Variants in IQCH observed in about 807,000 individuals in gnomAD.
IQCH encodes IQ domain-containing protein H.
Under a neutral mutation model 117.0 loss-of-function variants are expected in IQCH, and 98 were observed. That is an observed-to-expected ratio of 0.84 (90% CI 0.71 to 0.99). The LOEUF (loss-of-function observed/expected upper bound fraction) is 0.99, where lower values mean the gene tolerates loss of function less well. Among genes scored for constraint, IQCH ranks in the 50% least tolerant of loss-of-function variants. The pLI is 0.00. For missense variants in IQCH, 1,102 were observed against 1,243.8 expected, an observed-to-expected ratio of 0.89 and a Z score of 1.72; for synonymous variants, 412 against 448.2, an observed-to-expected ratio of 0.92 and a Z score of 1.02.
At chr15:67,367,296 G>A (rs1028056465) in intron 8 of IQCH, among the ~76,000 whole-genome samples, 1 of 152,210 alleles carries the variant, frequency 6.6e-6, no homozygotes, top group Non-Finnish European at 1.5e-5. Context: ...AACACTTTGG[G>A]AGGCTGGGGT....
intron 4 of IQCH, chr15:67,307,219 T>C (rs1967343598): frequency 5.0e-6 from 4 of 798,104 alleles, no homozygotes; most frequent in Non-Finnish European, 6.1e-6. Context: ...TATAATGCAA[T>C]GTAAACTTAG....
In IQCH at chr15:67,366,035, A is replaced by G. The variant is rs1970321033; in HGVS notation, c.754-6076A>G. On this transcript the variant is annotated intron_variant, in intron 8 of 20. Transcript: ENST00000335894. The surrounding 1 kb of genome is among the most constrained non-coding windows in gnomAD (Gnocchi z 4.4). ...AGTGATTTGGATCAAGGAACGTACT[A>G]GATCCACATTTTTCTCAGGAAACAT... Among the ~76,000 whole-genome samples, 1 of 152,228 alleles carries G rather than the reference A, an allele frequency of 6.6e-6. No individual in the cohort carries two copies.
Position 67,475,636 on chromosome 15 carries a change from A to G in IQCH, c.2677-60A>G. On this transcript the variant is annotated intron_variant, in intron 17 of 20. Coordinates refer to ENST00000335894, the MANE Select transcript of IQCH (RefSeq NM_001031715.3). This position sits in a 1 kb window ranked among gnomAD's most constrained non-coding sequence, Gnocchi z 5.7. ...CGCAATTTTCCTGTTAATCTCAAGT[A>G]TTCCAAAATTACAAGTTTATTTAAA... 6.6e-7 allele frequency: 1 copy of G among 1,514,456 alleles called. No homozygotes were observed. The highest frequency in any genetic ancestry group is 9.1e-7 in the Non-Finnish European group (1 of 1,102,728). The allele number at this position is 1,514,456 out of a possible 1,614,324, so 93.8% of individuals were successfully genotyped here. A position where few individuals can be genotyped will look rare whatever the true frequency, so the allele number is the denominator to read the frequency against.
At chr15:67,282,912 T>C (rs577682032) in intron 4 of IQCH, among the ~76,000 whole-genome samples, 1 of 152,224 alleles carries the variant, frequency 6.6e-6, no homozygotes, top group Admixed American at 6.5e-5. Context: ...CCTCTTTTAA[T>C]TTGAAAAAGC....
Position 67,481,412 on chromosome 15 carries a change from T to C in IQCH, c.2799+5594T>C, listed in dbSNP as rs533847083. 1.3e-5 allele frequency among the ~76,000 whole-genome samples: 2 copies of C among 152,176 alleles called. No individual in the cohort carries two copies. The highest frequency in any genetic ancestry group is 3.9e-4 in the East Asian group (2 of 5,168). On this transcript the variant is annotated intron_variant, in intron 18 of 20. Coordinates refer to ENST00000335894, the MANE Select transcript of IQCH (RefSeq NM_001031715.3). The surrounding 1 kb of genome is among the most constrained non-coding windows in gnomAD (Gnocchi z 4.1). ...CCCCTTATAAAATCATCAGATTGAGTGAGAACTCACTCACTATCATGAGAA... is the reference window on the plus strand; with the variant it reads ...CCCCTTATAAAATCATCAGATTGAGCGAGAACTCACTCACTATCATGAGAA...
At chr15:67,451,667 G>C (rs561773643) in intron 16 of IQCH, among the ~76,000 whole-genome samples, 34 of 152,306 alleles carry the variant, frequency 2.2e-4, no homozygotes, top group African/African-American at 7.5e-4. Context: ...TTTGGAGTAG[G>C]TGTGGTGTGG....
intron 4 of IQCH, among the ~76,000 whole-genome samples, chr15:67,305,930 G>A (rs1406299899): frequency 3.9e-5 from 6 of 152,042 alleles, no homozygotes; most frequent in Admixed American, 3.3e-4. Flanking sequence ...TGAGCAAAGA[G>A]AATTTGGGAA....
At position 67,459,849 on chromosome 15, in the gene IQCH, C is replaced by T. The variant is rs1336357828; in HGVS notation, c.2506-5278C>T. On this transcript the variant is annotated intron_variant, in intron 16 of 20. Transcript: ENST00000335894. The surrounding 1 kb of genome is among the most constrained non-coding windows in gnomAD (Gnocchi z 4.2). Reference sequence around the variant, plus strand: ...ACAATGCACTTCTTTACAACCAATCCAATAGAAATAGAATTCAGCCAGGCA... The same window carrying T: ...ACAATGCACTTCTTTACAACCAATCTAATAGAAATAGAATTCAGCCAGGCA... 3 of 152,200 alleles carry T rather than the reference C, an allele frequency of 2.0e-5. No individual in the cohort carries two copies. The highest frequency in any genetic ancestry group is 2.9e-5 in the Non-Finnish European group (2 of 68,058). 9.4% of individuals were successfully genotyped at this position (152,200 alleles called of 1,614,324 possible).
chr15:67,412,382 T>G (rs2081472158), intron 14 of IQCH, among the ~76,000 whole-genome samples: 1 of 152,136 alleles, frequency 6.6e-6, no homozygotes. Flanking sequence ...TCCTAACTAC[T>G]CATTTCACAA....
At chr15:67,256,798 GA>G (rs1360922443) in intron 1 of IQCH, among the ~76,000 whole-genome samples, 2 of 152,184 alleles carry the variant, frequency 1.3e-5, no homozygotes, top group Non-Finnish European at 2.9e-5. Context: ...TATTTAAAAG[GA>G]TTCCTGTGGA....
rs2082001626 is a variant in IQCH at position 67,430,732 on chromosome 15, T to G, written c.2505+9155T>G. Reference sequence around the variant, plus strand: ...TTGGGGAAACTCTAAAAAAAACAAGTGTTTATTGAGCATCTATTATGTATA... The same window carrying G: ...TTGGGGAAACTCTAAAAAAAACAAGGGTTTATTGAGCATCTATTATGTATA... On this transcript the variant is annotated intron_variant, in intron 16 of 20. Transcript: ENST00000335894. This position sits in a 1 kb window ranked among gnomAD's most constrained non-coding sequence, Gnocchi z 5.1. Among the ~76,000 whole-genome samples the G allele has an allele frequency of 6.6e-6, 1 of 152,184 alleles. No homozygotes were observed. The highest frequency in any genetic ancestry group is 2.4e-5 in the African/African-American group (1 of 41,444).
chr15:67,326,538 C>A (rs1416235817), intron 4 of IQCH, among the ~76,000 whole-genome samples: 1 of 152,274 alleles, frequency 6.6e-6, no homozygotes, highest in South Asian at 2.1e-4. Context: ...TCAGGAGTCG[C>A]CACACTGTCT....
At chr15:67,347,802 T>C (rs923633495) in intron 6 of IQCH, among the ~76,000 whole-genome samples, 1 of 145,336 alleles carries the variant, frequency 6.9e-6, no homozygotes, top group African/African-American at 2.5e-5. Context: ...GCTCTGTCTA[T>C]ATATATATAT....
Position 67,454,408 on chromosome 15 carries a change from C to T in IQCH, c.2506-10719C>T, listed in dbSNP as rs1358876080. Among the ~76,000 whole-genome samples, 1 of 152,214 alleles carries T rather than the reference C, an allele frequency of 6.6e-6. No individual in the cohort carries two copies. Among genetic ancestry groups the T allele is most frequent in the Non-Finnish European group, 1.5e-5 (1 of 68,034 alleles). On this transcript the variant is annotated intron_variant, in intron 16 of 20. Transcript: ENST00000335894. This position sits in a 1 kb window ranked among gnomAD's most constrained non-coding sequence, Gnocchi z 5.2. ...TCTTGACCTTGTGATCCGCCCGCCTCGGCCTCCCAAAGTATTCAAAATTCA... is the reference window on the plus strand; with the variant it reads ...TCTTGACCTTGTGATCCGCCCGCCTTGGCCTCCCAAAGTATTCAAAATTCA...
At chr15:67,489,854 C>G (rs1197080002) in intron 18 of IQCH, 149 bp from the exon 19 acceptor site, 15 of 690,976 alleles carry the variant, frequency 2.2e-5, no homozygotes, top group Non-Finnish European at 3.8e-5. Flanking sequence ...CTAGAGGCAG[C>G]CTTTCCAAAT....
In IQCH at chr15:67,429,646, C is replaced by T. The variant is rs138431484; in HGVS notation, c.2505+8069C>T. On this transcript the variant is annotated intron_variant, in intron 16 of 20. Coordinates refer to ENST00000335894, the MANE Select transcript of IQCH (RefSeq NM_001031715.3). ...TCACATACATGATCTTACTCACATA[C>T]ACACAGGTCTTACAATAAGACATGG... 2.0e-3 allele frequency among the ~76,000 whole-genome samples: 303 copies of T among 152,330 alleles called. 2 individuals are homozygous for T. The highest frequency in any genetic ancestry group is 6.8e-3 in the African/African-American group (282 of 41,582).
chr15:67,447,522 G>C lies in IQCH; in HGVS notation c.2506-17605G>C, dbSNP rs957152117. 1.3e-5 allele frequency among the ~76,000 whole-genome samples: 2 copies of C among 152,158 alleles called. No individual in the cohort carries two copies. Among genetic ancestry groups the C allele is most frequent in the African/African-American group, 4.8e-5 (2 of 41,426 alleles). On this transcript the variant is annotated intron_variant, in intron 16 of 20. Coordinates refer to ENST00000335894, the MANE Select transcript of IQCH (RefSeq NM_001031715.3). The surrounding 1 kb of genome is among the most constrained non-coding windows in gnomAD (Gnocchi z 5.3). ...TCAACCCTCTACCATCACCAAATTA[G>C]TCAGGATGTATTGGATTACTGGGTT...
Position 67,424,956 on chromosome 15 carries a change from A to G in IQCH, c.2505+3379A>G, listed in dbSNP as rs1488662063. Among the ~76,000 whole-genome samples the G allele has an allele frequency of 6.6e-6, 1 of 152,148 alleles. No homozygotes were observed. Among genetic ancestry groups the G allele is most frequent in the Non-Finnish European group, 1.5e-5 (1 of 68,016 alleles). ...AGAAAACATCTTAATTTTTTTTCTA[A>G]TTGACATGCCTTGTGATGCCATTGA... On this transcript the variant is annotated intron_variant, in intron 16 of 20. Coordinates refer to ENST00000335894, the MANE Select transcript of IQCH (RefSeq NM_001031715.3). The surrounding 1 kb of genome is among the most constrained non-coding windows in gnomAD (Gnocchi z 4.9).
In IQCH at chr15:67,393,207, A is replaced by C. The variant is rs755313502; in HGVS notation, c.1633-2084A>C. Among the ~76,000 whole-genome samples the C allele has an allele frequency of 6.6e-6, 1 of 152,212 alleles. No individual in the cohort carries two copies. The highest frequency in any genetic ancestry group is 6.5e-5 in the Admixed American group (1 of 15,282). ...CCTCATTTGAATATGAGAAATTGAG[A>C]CTCAGAAAGGTTGAGTTTTCTAAAT... On this transcript the variant is annotated intron_variant, in intron 12 of 20. Transcript: ENST00000335894. This position sits in a 1 kb window ranked among gnomAD's most constrained non-coding sequence, Gnocchi z 5.5.
Sources: gnomAD v4.1 joint callset for allele counts (sites outside exome capture counted in the v4.1 genomes callset) on GRCh38, gnomAD v4.1.1 for gene constraint, Gnocchi (gnomAD v3.1) non-coding constraint, MANE v1.5 for transcripts, NCBI Gene and HGNC (gene_info 2026-07-23, HGNC 2026-07-21) for gene names.